ADAM9: variants seen among roughly 807,000 people sequenced by gnomAD.
The protein encoded by ADAM9 is ADAM metallopeptidase domain 9.
In ADAM9, 54 loss-of-function variants were observed where a neutral mutation model predicts 108.1. The ratio of observed to expected loss-of-function variants is 0.50; its 90% confidence interval spans 0.40 to 0.63. The LOEUF (loss-of-function observed/expected upper bound fraction) is 0.63, where lower values mean the gene tolerates loss of function less well. Ranked by LOEUF, ADAM9 falls within the 20% of genes least tolerant of loss-of-function variation. The pLI, the probability that ADAM9 is intolerant of heterozygous loss-of-function variation, is 0.00. For synonymous variants in ADAM9, 316 were observed against 336.0 expected, an observed-to-expected ratio of 0.94 and a Z score of 0.65; for missense variants, 830 against 997.7, an observed-to-expected ratio of 0.83 and a Z score of 2.26.
chr8:39,049,691 G>A (rs916089117), intron 12 of ADAM9, among the ~76,000 whole-genome samples: 2 of 152,046 alleles, frequency 1.3e-5, no homozygotes, highest in East Asian at 1.9e-4. Flanking sequence ...TGCCTGCCTC[G>A]GCCTCCCAAA....
At position 39,098,932 on chromosome 8, in the gene ADAM9, T is replaced by A. The variant is rs1839594755; in HGVS notation, c.2299-2931T>A. On this transcript the variant is annotated intron_variant, in intron 20 of 21. Coordinates refer to ENST00000487273, the MANE Select transcript of ADAM9 (RefSeq NM_003816.3). ...GCTTGGGGGCATGGTCAATCTTTGATGTCTTTAAACTGAAATTTTTGTTGA... is the reference window on the plus strand; with the variant it reads ...GCTTGGGGGCATGGTCAATCTTTGAAGTCTTTAAACTGAAATTTTTGTTGA... Among the ~76,000 whole-genome samples, 2 of 152,188 alleles carry A rather than the reference T, an allele frequency of 1.3e-5. 1 individual carries two copies. Among genetic ancestry groups the A allele is most frequent in the South Asian group, 4.1e-4 (2 of 4,826 alleles).
intron 1 of ADAM9, among the ~76,000 whole-genome samples, chr8:39,003,311 T>C (rs1330526794): frequency 1.3e-5 from 2 of 152,130 alleles, no homozygotes; most frequent in Admixed American, 1.3e-4. Flanking sequence ...AACTGGGGGA[T>C]GCTGTTGGCA....
intron 1 of ADAM9, 40 bp downstream of exon 1, chr8:38,997,200 C>G: frequency 5.1e-6 from 8 of 1,573,884 alleles, no homozygotes; most frequent in Non-Finnish European, 6.9e-6. Flanking sequence ...ACGGCTGCTT[C>G]CTAGGGACGG....
chr8:39,002,346 T>A (rs1588317382), intron 1 of ADAM9, among the ~76,000 whole-genome samples: 1 of 124,888 alleles, frequency 8.0e-6, no homozygotes, highest in Non-Finnish European at 1.6e-5. Context: ...TGAGACAGAG[T>A]CTCACTCTGT....
chr8:39,065,380 C>T (rs749991635), intron 14 of ADAM9, among the ~76,000 whole-genome samples: 5 of 151,600 alleles, frequency 3.3e-5, no homozygotes, highest in African/African-American at 1.2e-4. Flanking sequence ...CTTGGCCAGG[C>T]GCGGTGGCTC....
At chr8:39,054,258 A>T (rs1321810470) in intron 12 of ADAM9, among the ~76,000 whole-genome samples, 1 of 152,180 alleles carries the variant, frequency 6.6e-6, no homozygotes, top group African/African-American at 2.4e-5. Context: ...AGACTAAGTA[A>T]GGCACATACT....
intron 13 of ADAM9, among the ~76,000 whole-genome samples, chr8:39,055,225 A>G (rs866337549): frequency 2.2e-4 from 34 of 152,180 alleles, no homozygotes; most frequent in African/African-American, 8.0e-4. Context: ...TTTCACACAT[A>G]TGCCAATCTA....
chr8:39,030,331 CAT>C (rs1220109065), intron 11 of ADAM9, among the ~76,000 whole-genome samples: 1 of 152,056 alleles, frequency 6.6e-6, no homozygotes, highest in African/African-American at 2.4e-5. Context: ...TCCAGAATAT[CAT>C]ATATTTAGAA....
At chr8:39,096,597 TTC>T (rs1472296185) in intron 20 of ADAM9, among the ~76,000 whole-genome samples, 1 of 152,204 alleles carries the variant, frequency 6.6e-6, no homozygotes, top group Admixed American at 6.5e-5. Flanking sequence ...TACTACAGGA[TTC>T]TCTGTCTATA....
intron 1 of ADAM9, among the ~76,000 whole-genome samples, chr8:39,002,371 T>C (rs527675716): frequency 1.3e-3 from 174 of 131,756 alleles, no homozygotes; most frequent in African/African-American, 4.8e-3. Context: ...CAGACTGGGG[T>C]GCAGTGGCAC....
chr8:39,027,619 G>A (rs977192797), intron 11 of ADAM9, among the ~76,000 whole-genome samples: 8 of 152,156 alleles, frequency 5.3e-5, no homozygotes, highest in African/African-American at 1.7e-4. Context: ...ATCCCATGGT[G>A]GTTGGGCATC....
chr8:39,071,128 A>C lies in ADAM9; in HGVS notation c.1592-170A>C, dbSNP rs557758241. Among the ~76,000 whole-genome samples, 3 of 152,334 alleles carry C rather than the reference A, an allele frequency of 2.0e-5. No homozygotes were observed. In the East Asian group the frequency reaches 5.8e-4, roughly 29 times the overall value. ...TTTTTACATTTTGTCATTACATATG[A>C]AATGTGGAACAAAAATGTATCATGT... On this transcript the variant is annotated intron_variant, in intron 14 of 21. Transcript: ENST00000487273.
At chr8:39,090,269 T>C (rs1363865213) in intron 19 of ADAM9, 81 bp downstream of exon 19, 4 of 1,234,900 alleles carry the variant, frequency 3.2e-6, no homozygotes, top group Non-Finnish European at 4.6e-6. Flanking sequence ...TTCCCTGGGC[T>C]CAGGTGATTC....
intron 13 of ADAM9, 108 bp from the exon 14 acceptor site, chr8:39,055,469 T>C (rs749095853): frequency 7.2e-6 from 8 of 1,113,978 alleles, no homozygotes; most frequent in African/African-American, 3.1e-5. Flanking sequence ...ATTTAATCTT[T>C]TGCTATTGTT....
At chr8:38,998,638 G>T (rs1324242109) in intron 1 of ADAM9, among the ~76,000 whole-genome samples, 1 of 152,148 alleles carries the variant, frequency 6.6e-6, no homozygotes, top group Non-Finnish European at 1.5e-5. Context: ...TATGCTAAGC[G>T]CATCTGAGAG....
chr8:39,047,811 TATG>T (rs1290138596), intron 12 of ADAM9, among the ~76,000 whole-genome samples: 4 of 152,136 alleles, frequency 2.6e-5, no homozygotes, highest in Non-Finnish European at 5.9e-5. Context: ...TTATTTCCCT[TATG>T]ATAATTTTGG....
intron 16 of ADAM9, among the ~76,000 whole-genome samples, chr8:39,078,290 A>C (rs750924808): frequency 1.9e-4 from 28 of 151,346 alleles, no homozygotes; most frequent in Admixed American, 2.0e-4. Context: ...AGTTTTTGAT[A>C]GTGCAATTTC....
At chr8:38,998,455 G>T (rs1185858468) in intron 1 of ADAM9, among the ~76,000 whole-genome samples, 2 of 152,098 alleles carry the variant, frequency 1.3e-5, no homozygotes. Context: ...AATATAAATT[G>T]TCAGTCATTA....
At chr8:39,090,014 T>C (rs1564375598) in intron 18 of ADAM9, 33 bp from the exon 19 acceptor site, 1 of 1,610,916 alleles carries the variant, frequency 6.2e-7, no homozygotes, top group Non-Finnish European at 8.5e-7. Context: ...AGTATGAGTT[T>C]GGTGACTGTT....
Sources: gnomAD v4.1 joint callset for allele counts (sites outside exome capture counted in the v4.1 genomes callset) on GRCh38, gnomAD v4.1.1 for gene constraint, MANE v1.5 for transcripts, NCBI Gene and HGNC (gene_info 2026-07-23, HGNC 2026-07-21) for gene names.